The following FABP12 variants were observed in gnomAD, a reference collection of about 807,000 sequenced individuals.
FABP12 encodes fatty acid binding protein 12, also known as fatty acid-binding protein 12.
FABP12 carries 19 observed loss-of-function variants against 13.7 expected under a neutral mutation model. The ratio of observed to expected loss-of-function variants is 1.39; its 90% CI spans 0.97 to 2.04. The LOEUF (loss-of-function observed/expected upper bound fraction) is 2.04, where lower values mean the gene tolerates loss of function less well. FABP12 is among the 30% of genes most tolerant of loss of function. The probability of loss-of-function intolerance (pLI) is 0.00; values close to 1 mark genes in which losing one functional copy is unlikely to be tolerated. For synonymous variants in FABP12, 61 were observed against 57.0 expected (o/e 1.07, Z -0.32); for missense variants, 182 against 164.2 (o/e 1.11, Z -0.59).
intron 2 of FABP12, 93 bp from the exon 3 acceptor site, chr8:81,529,703 CA>C: frequency 8.9e-7 from 1 of 1,128,988 alleles, no homozygotes; most frequent in Non-Finnish European, 1.2e-6. Flanking sequence ...TTGTTGACTC[CA>C]AAAACTCAAC....
At chr8:81,547,644 G>A (rs75354688) in intron 1 of FABP12, among the ~76,000 whole-genome samples, 3,879 of 152,190 alleles carry the variant, frequency 0.025, 152 homozygotes, top group African/African-American at 0.086. Context: ...ACATTATCAC[G>A]TTTTAGTCCC....
At chr8:81,582,742 G>A (rs958981266) in intron 1 of FABP12, among the ~76,000 whole-genome samples, 2 of 152,228 alleles carry the variant, frequency 1.3e-5, no homozygotes, top group Non-Finnish European at 1.5e-5. Context: ...GAGAGAGACT[G>A]TAATACAGTA....
At chr8:81,563,344 G>C (rs752515490) in intron 1 of FABP12, among the ~76,000 whole-genome samples, 4 of 152,116 alleles carry the variant, frequency 2.6e-5, no homozygotes, top group Non-Finnish European at 5.9e-5. Flanking sequence ...AGATTGCAAA[G>C]ACTATAATAA....
intron 1 of FABP12, among the ~76,000 whole-genome samples, chr8:81,589,690 G>A (rs945128904): frequency 5.3e-5 from 8 of 152,124 alleles, no homozygotes; most frequent in Non-Finnish European, 1.2e-4. Flanking sequence ...GGCACCTCCA[G>A]CTCTTTGGGT....
chr8:81,565,172 A>G (rs1408159796), intron 1 of FABP12, among the ~76,000 whole-genome samples: 8 of 152,032 alleles, frequency 5.3e-5, no homozygotes, highest in African/African-American at 1.9e-4. Flanking sequence ...ACACTGAGAC[A>G]CCCAGATATA....
intron 1 of FABP12, among the ~76,000 whole-genome samples, chr8:81,573,367 T>C (rs1330403931): frequency 6.6e-6 from 1 of 152,234 alleles, no homozygotes; most frequent in South Asian, 2.1e-4. Context: ...TAGTATAGTT[T>C]GAAATCAGGC....
At chr8:81,528,381 G>A (rs149913320) in intron 3 of FABP12, among the ~76,000 whole-genome samples, 2 of 152,058 alleles carry the variant, frequency 1.3e-5, no homozygotes. Context: ...ACCCAACCTA[G>A]CTTTTTTATT....
intron 1 of FABP12, among the ~76,000 whole-genome samples, chr8:81,554,300 T>G (rs1017343615): frequency 3.3e-5 from 5 of 152,176 alleles, no homozygotes; most frequent in Non-Finnish European, 7.4e-5. Context: ...GCCTACTATA[T>G]GCAAAGCTCT....
chr8:81,531,488 T>A (rs1007579655), intron 1 of FABP12, 98 bp from the exon 2 acceptor site: 1 of 540,104 alleles, frequency 1.9e-6, no homozygotes, highest in Admixed American at 3.6e-5. Flanking sequence ...GAGTATCATC[T>A]AAAGCAGAAA....
At chr8:81,542,122 G>A (rs1279162016) in intron 1 of FABP12, among the ~76,000 whole-genome samples, 1 of 151,984 alleles carries the variant, frequency 6.6e-6, no homozygotes, top group Non-Finnish European at 1.5e-5. Flanking sequence ...TTTGCTGATG[G>A]AGTATTGTTA....
chr8:81,570,270 C>T lies in FABP12; in HGVS notation c.-185+19783G>A, dbSNP rs368543983. 8.6e-5 allele frequency among the ~76,000 whole-genome samples: 13 copies of T among 151,132 alleles called. No homozygotes were observed. The South Asian group carries it at 2.7e-3, about 32-fold the overall frequency. On this transcript the variant is annotated intron_variant, in intron 1 of 5. Transcript: ENST00000692030. ...CCCAAAGGGCTACAGATCTTCTCTCCTTCTCTTTGCTCACAACATGGCAAG... is the reference window on the plus strand; with the variant it reads ...CCCAAAGGGCTACAGATCTTCTCTCTTTCTCTTTGCTCACAACATGGCAAG...
chr8:81,549,574 A>C (rs560833359), intron 1 of FABP12, among the ~76,000 whole-genome samples: 1 of 152,312 alleles, frequency 6.6e-6, no homozygotes, highest in Admixed American at 6.5e-5. Context: ...AGCAAGATTT[A>C]AAAGTTCACT....
At chr8:81,568,888 AT>A (rs1432246976) in intron 1 of FABP12, among the ~76,000 whole-genome samples, 1 of 152,212 alleles carries the variant, frequency 6.6e-6, no homozygotes, top group Non-Finnish European at 1.5e-5. Flanking sequence ...TTTCTCACTT[AT>A]TCTTGGGAGC....
chr8:81,579,218 A>G (rs941499940), intron 1 of FABP12, among the ~76,000 whole-genome samples: 2 of 151,712 alleles, frequency 1.3e-5, no homozygotes, highest in African/African-American at 4.8e-5. Context: ...TTTGCAATCT[A>G]AAGTGTTCCC....
Position 81,563,353 on chromosome 8 carries a change from A to C in FABP12, c.-184-23610T>G, listed in dbSNP as rs1230219021. Among the ~76,000 whole-genome samples the C allele has an allele frequency of 3.3e-5, 5 of 152,338 alleles. No homozygotes were observed. In the East Asian group the frequency reaches 9.6e-4, roughly 29 times the overall value. On this transcript the variant is annotated intron_variant, in intron 1 of 5. Coordinates refer to the FABP12 transcript ENST00000692030. ...AAGCCCAGATTGCAAAGACTATAATAAATACCCAATTCTCCAATGCCCAGA... is the reference window on the plus strand; with the variant it reads ...AAGCCCAGATTGCAAAGACTATAATCAATACCCAATTCTCCAATGCCCAGA...
intron 1 of FABP12, among the ~76,000 whole-genome samples, chr8:81,562,300 A>T (rs1409552351): frequency 6.6e-6 from 1 of 152,206 alleles, no homozygotes; most frequent in Non-Finnish European, 1.5e-5. Context: ...CCCTTGGGTA[A>T]GACTCAGAGA....
chr8:81,542,614 A>G (rs1809369016), intron 1 of FABP12, among the ~76,000 whole-genome samples: 1 of 152,180 alleles, frequency 6.6e-6, no homozygotes, highest in African/African-American at 2.4e-5. Flanking sequence ...CAGGTGAGGG[A>G]TAGGTCATGG....
intron 1 of FABP12, among the ~76,000 whole-genome samples, chr8:81,579,713 T>G (rs1810124690): frequency 1.3e-5 from 2 of 152,236 alleles, no homozygotes; most frequent in South Asian, 4.1e-4. Context: ...TGAGTCAGGA[T>G]ATAAACAAAG....
chr8:81,570,635 G>C (rs527887375), intron 1 of FABP12, among the ~76,000 whole-genome samples: 5 of 152,092 alleles, frequency 3.3e-5, no homozygotes, highest in Non-Finnish European at 7.3e-5. Context: ...TCTCCGCAGA[G>C]AGGAGGCCCT....
Sources: allele counts gnomAD v4.1 joint callset (sites outside exome capture counted in the v4.1 genomes callset), GRCh38; gene constraint gnomAD v4.1.1; transcripts MANE v1.5; gene names NCBI Gene and HGNC (gene_info 2026-07-23, HGNC 2026-07-21).